The following NBAS variants were observed in gnomAD, a reference collection of about 807,000 sequenced individuals.
NBAS encodes the protein NBAS subunit of NRZ tethering complex, also known as NAG/BC035112 fusion.
Under a neutral mutation model 302.5 loss-of-function variants are expected in NBAS, and 219 were observed. The ratio of observed to expected loss-of-function variants is 0.72; its 90% CI spans 0.65 to 0.81. NBAS has a LOEUF of 0.81. Among genes scored for constraint, NBAS ranks in the 30% least tolerant of loss-of-function variants. The pLI is 0.00. For missense variants in NBAS, 2,932 were observed against 2,841.6 expected (o/e 1.03, Z -0.72); for synonymous variants, 1,118 against 1,021.6 (o/e 1.09, Z -1.80).
the NBAS span, among the ~76,000 whole-genome samples, chr2:14,866,926 AC>A: frequency 6.6e-6 from 1 of 152,230 alleles, no homozygotes. Flanking sequence ...CTAAGAGACT[AC>A]TAACAACTCA....
At chr2:15,183,746 C>A (rs2125126640) in intron 50 of NBAS, among the ~76,000 whole-genome samples, 1 of 152,042 alleles carries the variant, frequency 6.6e-6, no homozygotes, top group Non-Finnish European at 1.5e-5. Context: ...ATGTTCCCTG[C>A]CCTTAAGGTG....
At chr2:14,823,869 A>C in the NBAS span, among the ~76,000 whole-genome samples, 1 of 152,248 alleles carries the variant, frequency 6.6e-6, no homozygotes. Context: ...AACATTTTCC[A>C]GCATATCATG....
chr2:14,952,661 C>T, the NBAS span, among the ~76,000 whole-genome samples: 1 of 152,218 alleles, frequency 6.6e-6, no homozygotes, highest in Admixed American at 6.5e-5. Flanking sequence ...TGCTTTTAAG[C>T]AGAGAAATGA....
chr2:14,847,096 A>T, the NBAS span, among the ~76,000 whole-genome samples: 1 of 152,114 alleles, frequency 6.6e-6, no homozygotes, highest in Non-Finnish European at 1.5e-5. Context: ...AAAGACAAAC[A>T]TAGACGGCCG....
chr2:14,976,762 G>A, the NBAS span, among the ~76,000 whole-genome samples: 4 of 152,178 alleles, frequency 2.6e-5, no homozygotes, highest in East Asian at 1.9e-4. Context: ...AAAGAGGACA[G>A]ACACAGAGGA....
chr2:15,509,441 T>C (rs913257066), intron 10 of NBAS, among the ~76,000 whole-genome samples: 1 of 152,228 alleles, frequency 6.6e-6, no homozygotes. Context: ...TAAGCTGTTC[T>C]ACACATACAA....
chr2:15,405,613 G>A (rs1290124962), intron 25 of NBAS, among the ~76,000 whole-genome samples: 1 of 152,064 alleles, frequency 6.6e-6, no homozygotes, highest in African/African-American at 2.4e-5. Context: ...AAGGTAAAAT[G>A]CAAAAGAATA....
At chr2:14,934,699 C>T in the NBAS span, among the ~76,000 whole-genome samples, 2 of 152,092 alleles carry the variant, frequency 1.3e-5, no homozygotes, top group African/African-American at 4.8e-5. Context: ...AAAGTATCTC[C>T]TAAAGTAATT....
chr2:15,065,138 T>C, the NBAS span, among the ~76,000 whole-genome samples: 1 of 152,146 alleles, frequency 6.6e-6, no homozygotes, highest in Non-Finnish European at 1.5e-5. Context: ...TACAAATATG[T>C]TGATTCTTTC....
the NBAS span, among the ~76,000 whole-genome samples, chr2:14,800,509 G>T: frequency 1.2e-4 from 19 of 152,192 alleles, no homozygotes; most frequent in Non-Finnish European, 2.5e-4. Flanking sequence ...CAGTGTGAAA[G>T]TGGACTAATA....
At chr2:15,036,323 G>T in the NBAS span, among the ~76,000 whole-genome samples, 2 of 152,172 alleles carry the variant, frequency 1.3e-5, no homozygotes, top group Non-Finnish European at 2.9e-5. Flanking sequence ...ATTGCAAGGT[G>T]CTGTGCTAGA....
intron 38 of NBAS, among the ~76,000 whole-genome samples, chr2:15,323,951 C>T (rs1671946555): frequency 6.8e-6 from 1 of 148,130 alleles, no homozygotes; most frequent in African/African-American, 2.5e-5. Flanking sequence ...TCTAGGGCCA[C>T]AATATTTCTT....
At chr2:15,544,123 T>C (rs1407375025) in intron 6 of NBAS, among the ~76,000 whole-genome samples, 1 of 152,202 alleles carries the variant, frequency 6.6e-6, no homozygotes, top group Non-Finnish European at 1.5e-5. Flanking sequence ...CTCATTTTCA[T>C]AGTGAATTCA....
the NBAS span, among the ~76,000 whole-genome samples, chr2:15,067,147 A>C: frequency 0.54 from 68,171 of 127,308 alleles, 20,076 homozygotes; most frequent in Middle Eastern, 0.64. Flanking sequence ...ACATAGTGAG[A>C]CCTTATCTCC....
At chr2:14,889,389 T>A in the NBAS span, among the ~76,000 whole-genome samples, 6 of 152,202 alleles carry the variant, frequency 3.9e-5, no homozygotes, top group African/African-American at 1.2e-4. Context: ...AATATTTTTC[T>A]AAACCAACTG....
At chr2:15,216,864 C>T (rs565610501) in intron 48 of NBAS, among the ~76,000 whole-genome samples, 12 of 152,190 alleles carry the variant, frequency 7.9e-5, no homozygotes, top group Admixed American at 2.0e-4. Flanking sequence ...AAATCAGCCT[C>T]ATCATCCTGG....
chr2:15,021,911 G>A, the NBAS span, among the ~76,000 whole-genome samples: 11 of 152,202 alleles, frequency 7.2e-5, no homozygotes, highest in African/African-American at 1.9e-4. Context: ...CTGACTTTGA[G>A]GGTTCAGGTT....
At position 15,534,508 on chromosome 2, in the gene NBAS, T is replaced by C. The variant is rs1407364890; in HGVS notation, c.746+35A>G. 4 of 1,413,306 alleles carry C rather than the reference T, an allele frequency of 2.8e-6. No individual in the cohort carries two copies. The Admixed American group carries it at 5.0e-5, about 18-fold the overall frequency. The allele number at this position is 1,413,306 out of a possible 1,614,324, so 87.5% of individuals were successfully genotyped here. On this transcript the variant is annotated intron_variant, in intron 9 of 51. Coordinates refer to ENST00000281513, the MANE Select transcript of NBAS (RefSeq NM_015909.4). ...ATCTGAATCTATGCCAACATTTCTA[T>C]GTCCCACTAAATATGAGAACAAATG...
the NBAS span, among the ~76,000 whole-genome samples, chr2:14,848,816 A>G: frequency 2.6e-5 from 4 of 151,876 alleles, no homozygotes; most frequent in African/African-American, 7.3e-5. Flanking sequence ...GCAGGGGCAC[A>G]CTGACACCTC....
Sources: gnomAD v4.1 joint callset for allele counts (sites outside exome capture counted in the v4.1 genomes callset) on GRCh38, gnomAD v4.1.1 for gene constraint, MANE v1.5 for transcripts, NCBI Gene and HGNC (gene_info 2026-07-23, HGNC 2026-07-21) for gene names.